The following OPRD1 variants were observed in gnomAD, a reference collection of about 807,000 sequenced individuals.
OPRD1 encodes the protein delta-type opioid receptor.
In OPRD1, 19 loss-of-function variants were observed where a neutral mutation model predicts 17.5. That is an observed-to-expected ratio of 1.09 (90% CI 0.76 to 1.60). The LOEUF is 1.60. OPRD1 is among the 40% of genes most tolerant of loss of function. The pLI is 0.00. For missense variants in OPRD1, 483 were observed against 547.2 expected (o/e 0.88, Z 1.17); for synonymous variants, 256 against 240.9 (o/e 1.06, Z -0.58).
chr1:28,854,920 A>G (rs950564716), intron 1 of OPRD1, among the ~76,000 whole-genome samples: 4 of 151,984 alleles, frequency 2.6e-5, no homozygotes, highest in Non-Finnish European at 4.4e-5. Flanking sequence ...AAAGTGCTGG[A>G]ATTACAGGCA....
chr1:28,852,298 TTA>T (rs1261323345), intron 1 of OPRD1, among the ~76,000 whole-genome samples: 3 of 152,032 alleles, frequency 2.0e-5, no homozygotes, highest in Admixed American at 2.0e-4. Flanking sequence ...AAGAGACATC[TTA>T]TAGGTCTTTT....
intron 1 of OPRD1, among the ~76,000 whole-genome samples, chr1:28,836,643 C>G (rs1309233852): frequency 6.6e-6 from 1 of 152,082 alleles, no homozygotes; most frequent in Admixed American, 6.6e-5. Context: ...TGGTTGCTGG[C>G]AATCCTTGGC....
intron 1 of OPRD1, among the ~76,000 whole-genome samples, chr1:28,834,443 C>T (rs1327173359): frequency 1.4e-5 from 2 of 144,000 alleles, no homozygotes; most frequent in Admixed American, 7.1e-5. Context: ...TGTAGTAACT[C>T]GATCTCGGTT....
At chr1:28,852,429 T>A (rs1569645199) in intron 1 of OPRD1, among the ~76,000 whole-genome samples, 1 of 152,318 alleles carries the variant, frequency 6.6e-6, no homozygotes, top group African/African-American at 2.4e-5. Flanking sequence ...TTATAGTATG[T>A]TCTTTGGCTT....
intron 1 of OPRD1, among the ~76,000 whole-genome samples, chr1:28,828,361 C>T (rs957451797): frequency 1.3e-5 from 2 of 152,136 alleles, no homozygotes; most frequent in African/African-American, 4.8e-5. Context: ...GCTTAAAATA[C>T]TCCATCAACC....
intron 1 of OPRD1, among the ~76,000 whole-genome samples, chr1:28,839,221 C>T (rs1209817944): frequency 1.3e-5 from 2 of 152,138 alleles, no homozygotes; most frequent in Non-Finnish European, 2.9e-5. Context: ...TCTTTCCTTG[C>T]TTCTTCCCGT....
At chr1:28,852,571 G>A (rs1470085178) in intron 1 of OPRD1, among the ~76,000 whole-genome samples, 2 of 152,130 alleles carry the variant, frequency 1.3e-5, no homozygotes, top group African/African-American at 4.8e-5. Context: ...TCAGGAGTCT[G>A]AGGCCAGAGA....
chr1:28,843,568 C>G (rs554164118), intron 1 of OPRD1, among the ~76,000 whole-genome samples: 1 of 152,140 alleles, frequency 6.6e-6, no homozygotes, highest in South Asian at 2.1e-4. Context: ...TTATTTAGCA[C>G]GATATCCTCA....
Position 28,812,484 on chromosome 1 carries a change from C to T in OPRD1, c.101C>T (p.Ala34Val). 6.5e-7 allele frequency: 1 copy of T among 1,548,678 alleles called. No homozygotes were observed. Among genetic ancestry groups the T allele is most frequent in the Non-Finnish European group, 8.7e-7 (1 of 1,155,886 alleles). ...PSACPSAGAN[A>V]SGPPGARSAS... ...GCCTGCCCCAGCGCTGGCGCCAATG[C>T]GTCGGGGCCGCCAGGCGCGCGGAGC... is the stretch of plus-strand genomic sequence containing the variant. The change falls in exon 1 of 3, where the codon GCG (alanine) becomes GTG (valine). Residue 34 changes from alanine (A) to valine (V), a missense_variant. Coordinates refer to ENST00000234961, the MANE Select transcript of OPRD1 (RefSeq NM_000911.4).
intron 1 of OPRD1, among the ~76,000 whole-genome samples, chr1:28,825,560 G>C (rs139491537): frequency 2.6e-5 from 4 of 152,176 alleles, no homozygotes; most frequent in African/African-American, 9.6e-5. Flanking sequence ...TAATTTTTGT[G>C]TTTTCAGTAG....
chr1:28,843,016 A>G (rs2088907519), intron 1 of OPRD1, among the ~76,000 whole-genome samples: 1 of 152,110 alleles, frequency 6.6e-6, no homozygotes, highest in Admixed American at 6.6e-5. Context: ...GGGAGTACCA[A>G]AAGGGCTGCA....
intron 1 of OPRD1, among the ~76,000 whole-genome samples, chr1:28,839,149 C>G (rs1024059521): frequency 9.2e-5 from 14 of 152,152 alleles, no homozygotes. Flanking sequence ...GTTCTGGAGG[C>G]CAGAAATCCA....
chr1:28,828,245 T>C (rs115152666), intron 1 of OPRD1, among the ~76,000 whole-genome samples: 2,313 of 152,308 alleles, frequency 0.015, 55 homozygotes, highest in African/African-American at 0.053. Flanking sequence ...CAACTTAATC[T>C]CCTTGTACAT....
At position 28,812,221 on chromosome 1, in the gene OPRD1, G is replaced by C. The variant is rs990471500; in HGVS notation, c.-163G>C. On this transcript the variant is annotated 5_prime_UTR_variant, in exon 1 of 3. Transcript: ENST00000234961. ...CGGACGCCGGGGGCTGGGCCGGTGC[G>C]GGCGGCGAGGCAGGCGGACGAGGCG... 1.6e-5 allele frequency: 4 copies of C among 244,274 alleles called. No homozygotes were observed. The highest frequency in any genetic ancestry group is 2.8e-5 in the Non-Finnish European group (4 of 143,516). 15.1% of individuals were successfully genotyped at this position (244,274 alleles called of 1,614,324 possible).
At chr1:28,814,179 C>A in intron 1 of OPRD1, among the ~76,000 whole-genome samples, 1 of 152,090 alleles carries the variant, frequency 6.6e-6, no homozygotes. Context: ...CTCCCCACTT[C>A]GCAGGCTTCG....
chr1:28,847,805 T>C (rs1162129823), intron 1 of OPRD1, among the ~76,000 whole-genome samples: 10 of 152,200 alleles, frequency 6.6e-5, no homozygotes, highest in African/African-American at 2.2e-4. Context: ...CACTCCAGCA[T>C]GGGCAACAGG....
chr1:28,851,393 A>G (rs2089001212), intron 1 of OPRD1, among the ~76,000 whole-genome samples: 1 of 152,244 alleles, frequency 6.6e-6, no homozygotes, highest in South Asian at 2.1e-4. Flanking sequence ...TTTTCAGACA[A>G]GCAAGGGTGT....
intron 1 of OPRD1, among the ~76,000 whole-genome samples, chr1:28,823,323 A>G (rs1311196218): frequency 1.3e-5 from 2 of 150,596 alleles, no homozygotes; most frequent in African/African-American, 4.9e-5. Context: ...CAGCCTCCCA[A>G]GTAGCTGGGA....
Position 28,862,845 on chromosome 1 carries a change from C to G in OPRD1, c.681C>G (p.Leu227=). ...VFLFAFVVPI[L]IITVCYGLML... is the part of the protein sequence containing the mutation. ...TCTTCGCCTTCGTGGTGCCCATCCTCATCATCACCGTGTGCTATGGCCTCA... is the reference window on the plus strand; with the variant it reads ...TCTTCGCCTTCGTGGTGCCCATCCTGATCATCACCGTGTGCTATGGCCTCA... The change falls in exon 3 of 3, where the codon CTC becomes CTG. Residue 227 remains leucine, a synonymous_variant. Transcript: ENST00000234961. 1.2e-6 allele frequency: 2 copies of G among 1,613,072 alleles called. No homozygotes were observed. The highest frequency in any genetic ancestry group is 1.7e-6 in the Non-Finnish European group (2 of 1,180,032).
Sources: gnomAD v4.1 joint callset for allele counts (sites outside exome capture counted in the v4.1 genomes callset) on GRCh38, gnomAD v4.1.1 for gene constraint, MANE v1.5 for transcripts, NCBI Gene and HGNC (gene_info 2026-07-23, HGNC 2026-07-21) for gene names.